The following PLPPR5 variants were observed in gnomAD, a reference collection of about 807,000 sequenced individuals.
PLPPR5 encodes phospholipid phosphatase-related protein type 5.
In PLPPR5, 16 loss-of-function variants were observed where a neutral mutation model predicts 33.9. The observed-to-expected ratio is 0.47, with a 90% confidence interval of 0.32 to 0.72. PLPPR5 has a LOEUF of 0.72. Among genes scored for constraint, PLPPR5 ranks in the 30% least tolerant of loss-of-function variants. The pLI is 0.03. For synonymous variants in PLPPR5, 163 were observed against 150.3 expected (o/e 1.08, Z -0.62); for missense variants, 301 against 406.7 (o/e 0.74, Z 2.23).
intron 3 of PLPPR5, among the ~76,000 whole-genome samples, chr1:98,930,125 G>C (rs1053987706): frequency 6.6e-6 from 1 of 152,186 alleles, no homozygotes; most frequent in African/African-American, 2.4e-5. Context: ...ATATGCACAA[G>C]ACATTTGGGT....
chr1:98,993,240 G>C (rs774675098), intron 1 of PLPPR5, among the ~76,000 whole-genome samples: 3 of 151,896 alleles, frequency 2.0e-5, no homozygotes, highest in Non-Finnish European at 2.9e-5. Context: ...CCTTCTTCAC[G>C]ACTAAAAAGT....
chr1:98,934,387 T>C (rs761656563), intron 3 of PLPPR5, among the ~76,000 whole-genome samples: 5 of 152,140 alleles, frequency 3.3e-5, no homozygotes, highest in Non-Finnish European at 7.3e-5. Context: ...ACTGAACATA[T>C]AGTATATAGA....
At chr1:98,990,219 A>T (rs1049613453) in intron 1 of PLPPR5, among the ~76,000 whole-genome samples, 2 of 152,002 alleles carry the variant, frequency 1.3e-5, no homozygotes, top group Non-Finnish European at 2.9e-5. Flanking sequence ...AAATACAAAA[A>T]TTAGCCAGGC....
rs560571926 is a variant in PLPPR5, at chr1:98,956,507, C to A, written c.370+102G>T. 3.2e-4 allele frequency: 362 copies of A among 1,140,334 alleles called. 1 individual carries two copies. Among genetic ancestry groups the A allele is most frequent in the African/African-American group, 1.9e-3 (113 of 60,822 alleles). 70.6% of individuals were successfully genotyped at this position (1,140,334 alleles called of 1,614,324 possible). ...AATTGAAACATTTCAAAGAAAAAAA[C>A]CCCTAATATTTGCAAACAGTTAACA... On this transcript the variant is annotated intron_variant, in intron 2 of 5. Coordinates refer to ENST00000263177, the MANE Select transcript of PLPPR5 (RefSeq NM_001037317.2).
At chr1:98,957,746 T>C (rs563161811) in intron 1 of PLPPR5, among the ~76,000 whole-genome samples, 1 of 152,324 alleles carries the variant, frequency 6.6e-6, no homozygotes, top group South Asian at 2.1e-4. Context: ...TAAAACCATA[T>C]GAAACTAGGA....
At chr1:98,958,909 G>C (rs1651123735) in intron 1 of PLPPR5, among the ~76,000 whole-genome samples, 1 of 152,118 alleles carries the variant, frequency 6.6e-6, no homozygotes, top group African/African-American at 2.4e-5. Context: ...CTCCACTGCA[G>C]CTTCCACGGG....
At chr1:98,899,655 C>CTTTTTTTTTTTTTTTTTTTTTT in intron 5 of PLPPR5, among the ~76,000 whole-genome samples, 1 of 138,568 alleles carries the variant, frequency 7.2e-6, no homozygotes, top group African/African-American at 2.7e-5. Flanking sequence ...GTTTATTTCA[C>CTTTTTTTTTTTTTTTTTTTTTT]TTGTTTTTTT....
chr1:98,893,041 C>T lies in PLPPR5; in HGVS notation c.*31G>A. 1 of 1,607,310 alleles carries T rather than the reference C, an allele frequency of 6.2e-7. No individual in the cohort carries two copies. Among genetic ancestry groups the T allele is most frequent in the Non-Finnish European group, 8.5e-7 (1 of 1,175,354 alleles). ...AATGGATGGTAAAAAGGGATGATGTCCAATGCAGTGAAAAACCATCTGCTT... is the reference window on the plus strand; with the variant it reads ...AATGGATGGTAAAAAGGGATGATGTTCAATGCAGTGAAAAACCATCTGCTT... On this transcript the variant is annotated 3_prime_UTR_variant, in exon 6 of 6. Coordinates refer to ENST00000263177, the MANE Select transcript of PLPPR5 (RefSeq NM_001037317.2).
Position 98,922,004 on chromosome 1 carries a change from G to T in PLPPR5, c.676C>A (p.Leu226Ile). 6.2e-7 allele frequency: 1 copy of T among 1,613,710 alleles called. No homozygotes were observed. The highest frequency in any genetic ancestry group is 2.2e-5 in the East Asian group (1 of 44,826). The change falls in exon 4 of 6, where the codon CTA becomes ATA. Residue 226 changes from leucine (L) to isoleucine (I), a missense_variant. Physicochemically the swap from Leu to Ile is conservative, Grantham distance 5. Coordinates refer to ENST00000263177, the MANE Select transcript of PLPPR5 (RefSeq NM_001037317.2). ...GCCAAACACATTAAGCCCAAGCATA[G>T]AACTGGCTTAGCAAGTCTGGTTCCC... ...AKGTRLAKPVLCLGLMCLAFL... is the reference protein window; with the variant it reads ...AKGTRLAKPVICLGLMCLAFL...
chr1:98,965,370 T>C (rs2101236499), intron 1 of PLPPR5, among the ~76,000 whole-genome samples: 1 of 152,292 alleles, frequency 6.6e-6, no homozygotes, highest in African/African-American at 2.4e-5. Context: ...ACTATGAAGC[T>C]CCTCGAATCT....
At chr1:98,972,712 A>C (rs1651702347) in intron 1 of PLPPR5, among the ~76,000 whole-genome samples, 1 of 151,978 alleles carries the variant, frequency 6.6e-6, no homozygotes, top group Admixed American at 6.6e-5. Flanking sequence ...TACCAACCTT[A>C]CTGAATGGCT....
At chr1:98,973,132 C>T (rs991560895) in intron 1 of PLPPR5, among the ~76,000 whole-genome samples, 1 of 152,000 alleles carries the variant, frequency 6.6e-6, no homozygotes, top group African/African-American at 2.4e-5. Context: ...TGTTATGTGA[C>T]AGAATAAATT....
At chr1:98,944,297 G>T (rs1464597677) in intron 3 of PLPPR5, among the ~76,000 whole-genome samples, 1 of 152,136 alleles carries the variant, frequency 6.6e-6, no homozygotes, top group African/African-American at 2.4e-5. Context: ...ATCACTTTGG[G>T]TTTTGGGAAA....
At chr1:98,930,884 A>G (rs988463087) in intron 3 of PLPPR5, among the ~76,000 whole-genome samples, 2 of 152,060 alleles carry the variant, frequency 1.3e-5, no homozygotes, top group Non-Finnish European at 2.9e-5. Flanking sequence ...CTGAGTCCCC[A>G]CCCAGCTTCC....
intron 5 of PLPPR5, among the ~76,000 whole-genome samples, chr1:98,900,557 A>T (rs1648660551): frequency 6.6e-6 from 1 of 152,176 alleles, no homozygotes; most frequent in Non-Finnish European, 1.5e-5. Context: ...CTATCATAAC[A>T]GCTGATGATA....
In PLPPR5 at chr1:98,892,942, G is replaced by T; in HGVS notation, c.*130C>A. 1.1e-6 allele frequency: 1 copy of T among 902,068 alleles called. No homozygotes were observed. Among genetic ancestry groups the T allele is most frequent in the Non-Finnish European group, 1.7e-6 (1 of 583,180 alleles). The allele number at this position is 902,068 out of a possible 1,614,324, so 55.9% of individuals were successfully genotyped here. On this transcript the variant is annotated 3_prime_UTR_variant, in exon 6 of 6. Transcript: ENST00000263177. ...TGGGGGAAACAGATAGGTTGACATT[G>T]ATTTTAAAATTATAAAAATTATTAA...
Position 98,914,846 on chromosome 1 carries a change from C to T in PLPPR5, c.873G>A (p.Gln291=). 5.6e-6 allele frequency: 9 copies of T among 1,613,180 alleles called. No individual in the cohort carries two copies. The highest frequency in any genetic ancestry group is 7.6e-6 in the Non-Finnish European group (9 of 1,179,604). ...CTCGAGGAATGCTGATCATTGGCAT[C>T]TGTGCCAGATTATCCATGTGTATAT... ...NEHIHMDNLA[Q]MPMISIPRVE... is the part of the protein sequence containing the mutation. The change falls in exon 5 of 6, where the codon CAG becomes CAA. Residue 291 remains glutamine, a synonymous_variant. Coordinates refer to ENST00000263177, the MANE Select transcript of PLPPR5 (RefSeq NM_001037317.2).
At chr1:98,896,872 G>C (rs1038254401) in intron 5 of PLPPR5, among the ~76,000 whole-genome samples, 2 of 152,014 alleles carry the variant, frequency 1.3e-5, no homozygotes, top group African/African-American at 4.8e-5. Flanking sequence ...AGACAAAACT[G>C]TCACGATTCG....
At chr1:98,981,328 A>G (rs1401727453) in intron 1 of PLPPR5, among the ~76,000 whole-genome samples, 2 of 152,064 alleles carry the variant, frequency 1.3e-5, no homozygotes, top group Non-Finnish European at 2.9e-5. Flanking sequence ...TTATGTTCTG[A>G]ACCTAGCTAC....
Sources: allele counts gnomAD v4.1 joint callset (sites outside exome capture counted in the v4.1 genomes callset), GRCh38; gene constraint gnomAD v4.1.1; transcripts MANE v1.5; gene names NCBI Gene and HGNC (gene_info 2026-07-23, HGNC 2026-07-21).